The following CEP83 variants were observed in gnomAD, a reference collection of about 807,000 sequenced individuals.
The protein encoded by CEP83 is centrosomal protein of 83 kDa.
A neutral mutation model predicts 101.9 loss-of-function variants in CEP83; 70 were observed. That is an observed-to-expected ratio of 0.69 (90% CI 0.57 to 0.84). CEP83 has a LOEUF of 0.84. Among genes scored for constraint, CEP83 ranks in the 40% least tolerant of loss-of-function variants. CEP83 has a pLI of 0.00. For synonymous variants in CEP83, 264 were observed against 267.9 expected, an observed-to-expected ratio of 0.99 and a Z score of 0.14; for missense variants, 715 against 787.2, an observed-to-expected ratio of 0.91 and a Z score of 1.10.
chr12:94,424,863 G>T lies in CEP83; in HGVS notation c.-102+10412C>A, dbSNP rs1327684048. 13 of 1,602,376 alleles carry T rather than the reference G, an allele frequency of 8.1e-6. 1 individual carries two copies. In the Admixed American group the frequency reaches 8.3e-5, roughly 10 times the overall value. On this transcript the variant is annotated intron_variant, in intron 2 of 16. Transcript: ENST00000397809. The stretch of plus-strand genomic sequence containing the variant: ...CTGCTGTTAGGTGTACTGTTGCTTG[G>T]GCTAGGTGGTGCCATCTGCTGAGCC...
the CEP83 span, among the ~76,000 whole-genome samples, chr12:94,275,731 T>C: frequency 1.6e-5 from 2 of 127,404 alleles, 1 homozygote; most frequent in African/African-American, 6.2e-5. Context: ...GGCGGGCGCC[T>C]GTAGTCCCAG....
At chr12:94,409,757 T>G (rs558683773) in intron 4 of CEP83, among the ~76,000 whole-genome samples, 48 of 152,276 alleles carry the variant, frequency 3.2e-4, no homozygotes, top group African/African-American at 1.1e-3. Context: ...GAAGAAACTT[T>G]CCTTGCCTCT....
the CEP83 span, among the ~76,000 whole-genome samples, chr12:94,265,781 G>A: frequency 6.6e-6 from 1 of 152,164 alleles, no homozygotes; most frequent in Non-Finnish European, 1.5e-5. Flanking sequence ...ATCACTACAG[G>A]AAGATGATTG....
intron 11 of CEP83, among the ~76,000 whole-genome samples, chr12:94,362,854 T>C (rs550377962): frequency 6.6e-6 from 1 of 152,264 alleles, no homozygotes; most frequent in Non-Finnish European, 1.5e-5. Flanking sequence ...TATTCAGCCA[T>C]AAAAAAGGAT....
chr12:94,394,977 T>C (rs907246435), intron 6 of CEP83, among the ~76,000 whole-genome samples: 4 of 152,172 alleles, frequency 2.6e-5, no homozygotes, highest in African/African-American at 9.7e-5. Flanking sequence ...AAACAACAGA[T>C]GCTGGAGAGG....
intron 14 of CEP83, among the ~76,000 whole-genome samples, chr12:94,327,340 C>G (rs2059013661): frequency 6.6e-6 from 1 of 152,008 alleles, no homozygotes; most frequent in East Asian, 1.9e-4. Flanking sequence ...CTTTCTTTAC[C>G]TTTGGTTCCC....
intron 6 of CEP83, among the ~76,000 whole-genome samples, chr12:94,399,438 G>A (rs529279825): frequency 2.0e-5 from 3 of 152,194 alleles, no homozygotes; most frequent in African/African-American, 4.8e-5. Flanking sequence ...GGCTGGGCAC[G>A]ATAGTCTATG....
chr12:94,371,743 A>G (rs1398378573), intron 8 of CEP83, among the ~76,000 whole-genome samples: 1 of 152,224 alleles, frequency 6.6e-6, no homozygotes, highest in Non-Finnish European at 1.5e-5. Flanking sequence ...CAAAGAGGGC[A>G]AGGATAAGAA....
At chr12:94,290,306 A>AG in the CEP83 span, among the ~76,000 whole-genome samples, 305 of 152,354 alleles carry the variant, frequency 2.0e-3, 6 homozygotes, top group East Asian at 0.053. Flanking sequence ...AGTATTGCTA[A>AG]GGGGGTGCCT....
At chr12:94,322,999 G>T (rs766073039) in intron 14 of CEP83, among the ~76,000 whole-genome samples, 2 of 152,186 alleles carry the variant, frequency 1.3e-5, no homozygotes, top group Non-Finnish European at 1.5e-5. Context: ...CTGCAATGAA[G>T]GCAATAGCTA....
intron 6 of CEP83, among the ~76,000 whole-genome samples, chr12:94,391,451 C>T (rs1192732987): frequency 6.6e-6 from 1 of 152,236 alleles, no homozygotes; most frequent in Admixed American, 6.5e-5. Flanking sequence ...CACCACCAAG[C>T]CTCCCTTACA....
At chr12:94,347,780 T>C (rs75430031) in intron 11 of CEP83, among the ~76,000 whole-genome samples, 2,204 of 152,318 alleles carry the variant, frequency 0.014, 92 homozygotes, top group East Asian at 0.092. Context: ...GGTTGCCTAA[T>C]GTTGGGACTC....
chr12:94,339,766 T>C (rs1290183422), intron 11 of CEP83, among the ~76,000 whole-genome samples: 1 of 152,166 alleles, frequency 6.6e-6, no homozygotes, highest in African/African-American at 2.4e-5. Context: ...GCACTGGAAA[T>C]TGACACTGGC....
intron 2 of CEP83, among the ~76,000 whole-genome samples, chr12:94,426,117 G>A (rs1441423311): frequency 6.8e-5 from 10 of 146,314 alleles, no homozygotes; most frequent in Non-Finnish European, 1.1e-4. Context: ...GCGAAACTCC[G>A]TCTCAAAAAA....
At chr12:94,414,964 C>T (rs1321717372) in intron 2 of CEP83, among the ~76,000 whole-genome samples, 5 of 151,950 alleles carry the variant, frequency 3.3e-5, no homozygotes, top group South Asian at 4.1e-4. Flanking sequence ...CTAGTTAATA[C>T]ATAGAATTCT....
intron 6 of CEP83, among the ~76,000 whole-genome samples, chr12:94,381,920 C>T (rs1391843013): frequency 6.6e-6 from 1 of 152,020 alleles, no homozygotes; most frequent in Non-Finnish European, 1.5e-5. Context: ...ATTCCTCTTC[C>T]CTTTTTGGGG....
Position 94,368,049 on chromosome 12 carries a change from G to A in CEP83, c.1193+8C>T, listed in dbSNP as rs1212712772. 9 of 1,610,596 alleles carry A rather than the reference G, an allele frequency of 5.6e-6. No homozygotes were observed. The South Asian group carries it at 8.8e-5, about 16-fold the overall frequency. ...ATTTAAGTCAAACTAAGGTAATTAA[G>A]TACTTACTTTTCATCTTGTAATACC... On this transcript the variant is annotated splice_region_variant and intron_variant, in intron 10 of 16. Transcript: ENST00000397809.
the CEP83 span, among the ~76,000 whole-genome samples, chr12:94,286,745 G>T: frequency 3.3e-5 from 5 of 151,882 alleles, no homozygotes; most frequent in African/African-American, 1.2e-4. Flanking sequence ...CTGTAGTGAC[G>T]GCCAGTTCCT....
chr12:94,436,514 T>C (rs534859185), intron 1 of CEP83, among the ~76,000 whole-genome samples: 1 of 152,142 alleles, frequency 6.6e-6, no homozygotes, highest in South Asian at 2.1e-4. Flanking sequence ...GGCTCTCGAA[T>C]TAACCCAATC....
Sources: allele counts gnomAD v4.1 joint callset (sites outside exome capture counted in the v4.1 genomes callset), GRCh38; gene constraint gnomAD v4.1.1; transcripts MANE v1.5; gene names NCBI Gene and HGNC (gene_info 2026-07-23, HGNC 2026-07-21).